INO80D: variants seen among roughly 807,000 people sequenced by gnomAD.
The protein encoded by INO80D is INO80 complex subunit D.
In INO80D, 21 loss-of-function variants were observed where a neutral mutation model predicts 87.6. That is an observed-to-expected ratio of 0.24 (90% CI 0.17 to 0.35). The LOEUF is 0.35. Among genes scored for constraint, INO80D ranks in the 10% least tolerant of loss-of-function variants. INO80D has a pLI of 1.00. For synonymous variants in INO80D, 440 were observed against 491.0 expected (o/e 0.90, Z 1.37); for missense variants, 982 against 1,280.7 (o/e 0.77, Z 3.56).
intron 4 of INO80D, among the ~76,000 whole-genome samples, chr2:206,049,676 C>T (rs533632475): frequency 6.6e-6 from 1 of 152,128 alleles, no homozygotes; most frequent in Admixed American, 6.6e-5. Context: ...ACTATAAAGG[C>T]TAATAATAAG....
chr2:206,016,471 C>T (rs1483000415), intron 8 of INO80D, among the ~76,000 whole-genome samples: 2 of 152,158 alleles, frequency 1.3e-5, no homozygotes, highest in East Asian at 3.8e-4. Context: ...TCAGATGAGA[C>T]TTTGGACTGT....
At chr2:206,011,986 G>C (rs1209371345) in intron 8 of INO80D, among the ~76,000 whole-genome samples, 1 of 152,236 alleles carries the variant, frequency 6.6e-6, no homozygotes, top group African/African-American at 2.4e-5. Flanking sequence ...TGAATGAAAG[G>C]AAGGAGTGAG....
At chr2:206,069,259 TATG>T (rs1689898125) in intron 1 of INO80D, among the ~76,000 whole-genome samples, 1 of 152,162 alleles carries the variant, frequency 6.6e-6, no homozygotes, top group African/African-American at 2.4e-5. Context: ...TGAAGACTTT[TATG>T]ATGATCTGCT....
chr2:206,045,394 T>G (rs777506600), intron 5 of INO80D, among the ~76,000 whole-genome samples: 2 of 152,208 alleles, frequency 1.3e-5, no homozygotes, highest in African/African-American at 4.8e-5. Flanking sequence ...TCCCTCTACA[T>G]TGCTGAATAT....
At chr2:206,020,212 C>G (rs1025915039) in intron 6 of INO80D, among the ~76,000 whole-genome samples, 2 of 152,140 alleles carry the variant, frequency 1.3e-5, no homozygotes. Context: ...CTCCCTCTTA[C>G]TAGCTGTGTG....
At chr2:206,025,570 A>ATATATATATAT (rs1559439755) in intron 6 of INO80D, 31 of 91,794 alleles carry the variant, frequency 3.4e-4, no homozygotes, top group Non-Finnish European at 6.3e-4. Flanking sequence ...TATATATATA[A>ATATATATATAT]AATAACTAAA....
intron 6 of INO80D, 76 bp downstream of exon 6, chr2:206,028,035 C>T: frequency 9.9e-7 from 1 of 1,011,568 alleles, no homozygotes; most frequent in Non-Finnish European, 1.4e-6. Context: ...TCCCACTGTG[C>T]CTCAACTATC....
intron 1 of INO80D, among the ~76,000 whole-genome samples, chr2:206,083,340 T>C (rs1042164085): frequency 3.9e-5 from 6 of 152,174 alleles, no homozygotes; most frequent in Non-Finnish European, 2.9e-5. Flanking sequence ...AACCTTAAAA[T>C]GTTCCAAGAA....
intron 8 of INO80D, among the ~76,000 whole-genome samples, chr2:206,014,930 A>T (rs1688278466): frequency 6.6e-6 from 1 of 152,180 alleles, no homozygotes. Flanking sequence ...TCAGAAGGAG[A>T]TGAGGAACTT....
intron 1 of INO80D, among the ~76,000 whole-genome samples, chr2:206,077,089 T>C (rs1043505062): frequency 1.3e-5 from 2 of 151,974 alleles, no homozygotes; most frequent in Non-Finnish European, 2.9e-5. Context: ...CTGGCTAACA[T>C]GGTGAAACCC....
intron 1 of INO80D, among the ~76,000 whole-genome samples, chr2:206,076,049 CT>C (rs1365679331): frequency 8.0e-6 from 1 of 125,142 alleles, no homozygotes; most frequent in Admixed American, 8.6e-5. Context: ...GAGACTCCCT[CT>C]CAAAAAAAAA....
intron 1 of INO80D, among the ~76,000 whole-genome samples, chr2:206,072,352 G>C (rs1345949800): frequency 6.6e-6 from 1 of 151,834 alleles, no homozygotes; most frequent in African/African-American, 2.4e-5. Context: ...TCTCAGCTCA[G>C]TGCAACCTCT....
At chr2:206,044,454 G>A (rs1330847847) in intron 5 of INO80D, among the ~76,000 whole-genome samples, 4 of 146,622 alleles carry the variant, frequency 2.7e-5, no homozygotes, top group Non-Finnish European at 6.0e-5. Context: ...AACAGCAGCT[G>A]GGCAAGAAGT....
At position 206,003,824 on chromosome 2, in the gene INO80D, C is replaced by A. The variant is rs1289474140; in HGVS notation, c.*544G>T. ...CATACTCACAGGCAGTCAAAAGACACATTTTTTTCTTTTAGTTAAACATGA... is the reference window on the plus strand; with the variant it reads ...CATACTCACAGGCAGTCAAAAGACAAATTTTTTTCTTTTAGTTAAACATGA... On this transcript the variant is annotated 3_prime_UTR_variant, in exon 11 of 11. Transcript: ENST00000403263. 3 of 161,846 alleles carry A rather than the reference C, an allele frequency of 1.9e-5. No individual in the cohort carries two copies. Among genetic ancestry groups the A allele is most frequent in the African/African-American group, 7.2e-5 (3 of 41,544 alleles). 10.0% of individuals were successfully genotyped at this position (161,846 alleles called of 1,614,324 possible).
At position 205,995,471 on chromosome 2, in the gene INO80D, G is replaced by C. The variant is rs1221382599; in HGVS notation, c.*8897C>G. ...CACTGCAGTGACAATATTCCAGTAGGGGCAGCATTTTGCTAAATGTAAAAG... is the reference window on the plus strand; with the variant it reads ...CACTGCAGTGACAATATTCCAGTAGCGGCAGCATTTTGCTAAATGTAAAAG... On this transcript the variant is annotated 3_prime_UTR_variant, in exon 11 of 11. Transcript: ENST00000403263. The C allele has an allele frequency of 1.3e-5, 2 of 152,000 alleles. No homozygotes were observed. Among genetic ancestry groups the C allele is most frequent in the African/African-American group, 4.8e-5 (2 of 41,384 alleles). 9.4% of individuals were successfully genotyped at this position (152,000 alleles called of 1,614,324 possible). A position where few individuals can be genotyped will look rare whatever the true frequency, so the allele number is the denominator to read the frequency against.
At position 205,998,450 on chromosome 2, in the gene INO80D, CAAAAAAAAAAAA is replaced by C. The variant is rs143392413; in HGVS notation, c.*5906_*5917del. On this transcript the variant is annotated 3_prime_UTR_variant, in exon 11 of 11. Transcript: ENST00000403263. ...AAGGTGCTTCACTAGTTTGTTTTGT[CAAAAAAAAAAAA>C]AAAAAAAAAAGCTCATATATATTTA... 1.2e-5 allele frequency: 1 copy of C among 82,482 alleles called. No homozygotes were observed. The highest frequency in any genetic ancestry group is 2.3e-5 in the Non-Finnish European group (1 of 43,626). 5.1% of individuals were successfully genotyped at this position (82,482 alleles called of 1,614,324 possible).
chr2:206,054,179 TTTTC>T (rs1316316600), intron 4 of INO80D, among the ~76,000 whole-genome samples: 1 of 150,598 alleles, frequency 6.6e-6, no homozygotes, highest in Non-Finnish European at 1.5e-5. Context: ...ATTTCTTTTC[TTTTC>T]TTTTTTTTTT....
At chr2:206,065,562 C>A (rs1244748159) in intron 1 of INO80D, among the ~76,000 whole-genome samples, 17 of 152,094 alleles carry the variant, frequency 1.1e-4, no homozygotes, top group Admixed American at 1.1e-3. Flanking sequence ...TAAAAAGCTT[C>A]TGCACAGCAA....
chr2:206,013,289 T>C lies in INO80D; in HGVS notation c.1543-3495A>G, dbSNP rs369616658. Reference sequence around the variant, plus strand: ...TTATAGGAGGCCAGGCGCGGTGGCTTACGCCTGTAATCCCAGCACTTTGGG... The same window carrying C: ...TTATAGGAGGCCAGGCGCGGTGGCTCACGCCTGTAATCCCAGCACTTTGGG... On this transcript the variant is annotated intron_variant, in intron 8 of 10. Coordinates refer to ENST00000403263, the MANE Select transcript of INO80D (RefSeq NM_017759.5). Among the ~76,000 whole-genome samples, 406 of 152,050 alleles carry C rather than the reference T, an allele frequency of 2.7e-3. 2 individuals carry two copies. Among genetic ancestry groups the C allele is most frequent in the South Asian group, 0.011 (55 of 4,796 alleles).
Sources: gnomAD v4.1 joint callset for allele counts (sites outside exome capture counted in the v4.1 genomes callset) on GRCh38, gnomAD v4.1.1 for gene constraint, MANE v1.5 for transcripts, NCBI Gene and HGNC (gene_info 2026-07-23, HGNC 2026-07-21) for gene names.